The following SLIT3 variants were observed in gnomAD, a reference collection of about 807,000 sequenced individuals.
SLIT3 encodes slit guidance ligand 3.
Under a neutral mutation model 184.0 loss-of-function variants are expected in SLIT3, and 68 were observed. The ratio of observed to expected loss-of-function variants is 0.37; its 90% CI spans 0.30 to 0.45. SLIT3 has a LOEUF of 0.45. SLIT3 is among the 20% of genes least tolerant of loss of function. The pLI is 1.00. For synonymous variants in SLIT3, 831 were observed against 828.6 expected (o/e 1.00, Z -0.05); for missense variants, 1,707 against 2,026.0 (o/e 0.84, Z 3.02).
chr5:168,846,805 T>C (rs1439293729), intron 5 of SLIT3, among the ~76,000 whole-genome samples: 1 of 152,196 alleles, frequency 6.6e-6, no homozygotes, highest in African/African-American at 2.4e-5. Context: ...CTATTCCTTT[T>C]CTTTTTGAGA....
chr5:169,158,316 C>T (rs931772956), intron 4 of SLIT3, among the ~76,000 whole-genome samples: 3 of 152,028 alleles, frequency 2.0e-5, no homozygotes, highest in Non-Finnish European at 2.9e-5. Flanking sequence ...AAGGAAGTGA[C>T]ACAATTTTTT....
At chr5:169,252,880 A>C (rs891949566) in intron 1 of SLIT3, among the ~76,000 whole-genome samples, 1 of 152,202 alleles carries the variant, frequency 6.6e-6, no homozygotes, top group African/African-American at 2.4e-5. Context: ...TTCAAGTTTG[A>C]GGAGGGATTA....
chr5:169,086,471 G>A (rs1265138892), intron 4 of SLIT3, among the ~76,000 whole-genome samples: 5 of 152,068 alleles, frequency 3.3e-5, no homozygotes, highest in East Asian at 1.9e-4. Context: ...TGAACAGTTC[G>A]GCCTGAAAAT....
chr5:168,671,397 G>C lies in SLIT3; in HGVS notation c.3928C>G (p.Arg1310Gly). The change falls in exon 34 of 36, where the codon CGC becomes GGC. Residue 1310 changes from arginine to glycine, a missense_variant. Arg to Gly is a moderately radical substitution (Grantham distance 125). Around this residue, in one of 3 missense-constraint regions of SLIT3, gnomAD observed 387 missense variants for 477.9 expected, o/e 0.81. Transcript: ENST00000519560. Reference protein sequence around the residue: ...GGFHGCIHEVRINNELQDFKA... With the variant: ...GGFHGCIHEVGINNELQDFKA... The stretch of plus-strand genomic sequence containing the variant: ...AAGTCCTGCAGCTCGTTGTTGATGC[G>C]CACCTCATGGATGCATCCGTGGAAG... The C allele has an allele frequency of 6.2e-7, 1 of 1,614,066 alleles. No homozygotes were observed. The highest frequency in any genetic ancestry group is 1.1e-5 in the South Asian group (1 of 91,050).
chr5:169,036,167 T>C (rs1757239289), intron 4 of SLIT3: 1 of 152,238 alleles, frequency 6.6e-6, no homozygotes, highest in Admixed American at 6.5e-5. Context: ...ATCCAAAGTG[T>C]TGGGTCCGCA....
chr5:168,777,822 C>T (rs749375796), intron 12 of SLIT3, among the ~76,000 whole-genome samples: 5 of 152,212 alleles, frequency 3.3e-5, no homozygotes, highest in Non-Finnish European at 7.3e-5. Context: ...GATCTAACAG[C>T]CTGTCCCTGT....
Position 168,806,595 on chromosome 5 carries a change from G to GC in SLIT3, c.794-9dup, listed in dbSNP as rs1205242136. ...GGGGCTCCGAGTGGGGGGCTGTGGA[G>GC]CCAAGACACAACGGTCAACTTATGT... On this transcript the variant is annotated splice_polypyrimidine_tract_variant and intron_variant, in intron 8 of 35. Transcript: ENST00000519560. 2 of 1,613,970 alleles carry GC rather than the reference G, an allele frequency of 1.2e-6. No individual in the cohort carries two copies. The highest frequency in any genetic ancestry group is 2.7e-5 in the African/African-American group (2 of 74,918).
chr5:168,776,261 C>T (rs1170470846), intron 12 of SLIT3, among the ~76,000 whole-genome samples: 2 of 152,160 alleles, frequency 1.3e-5, no homozygotes, highest in Admixed American at 1.3e-4. Context: ...CCCGGTGCAC[C>T]CCGCGTGCAG....
intron 4 of SLIT3, among the ~76,000 whole-genome samples, chr5:169,064,345 G>A (rs1226644396): frequency 6.6e-6 from 1 of 152,164 alleles, no homozygotes; most frequent in Admixed American, 6.5e-5. Flanking sequence ...TGTCTTCTCT[G>A]ATTTAGTCCA....
chr5:168,807,785 T>C (rs918516827), intron 8 of SLIT3, among the ~76,000 whole-genome samples: 4 of 152,142 alleles, frequency 2.6e-5, no homozygotes, highest in African/African-American at 9.7e-5. Flanking sequence ...CTGGAGAAAC[T>C]GAGTCTAGGA....
intron 5 of SLIT3, among the ~76,000 whole-genome samples, chr5:168,851,583 G>C (rs1433358408): frequency 6.6e-6 from 1 of 152,128 alleles, no homozygotes; most frequent in Non-Finnish European, 1.5e-5. Context: ...ACACTTTGAG[G>C]CTTGCCTCAA....
intron 8 of SLIT3, among the ~76,000 whole-genome samples, chr5:168,815,825 T>G (rs1757320204): frequency 6.6e-6 from 1 of 152,162 alleles, no homozygotes; most frequent in Admixed American, 6.5e-5. Flanking sequence ...CAGCAGCCCA[T>G]GCTGGGCCCG....
chr5:168,870,275 G>A (rs1298053939), intron 5 of SLIT3, among the ~76,000 whole-genome samples: 2 of 152,234 alleles, frequency 1.3e-5, no homozygotes, highest in Non-Finnish European at 2.9e-5. Context: ...CAGATGCAAA[G>A]TAGTTTATCT....
intron 4 of SLIT3, 145 bp downstream of exon 4, chr5:169,193,334 C>T (rs1428296916): frequency 2.4e-5 from 17 of 698,942 alleles, no homozygotes; most frequent in African/African-American, 8.7e-5. Context: ...TGGGGGTAGA[C>T]GTCATGTCAA....
chr5:169,288,510 A>G (rs1767233939), intron 1 of SLIT3, among the ~76,000 whole-genome samples: 2 of 152,116 alleles, frequency 1.3e-5, no homozygotes, highest in Non-Finnish European at 2.9e-5. Context: ...CTCCCAACCC[A>G]TAAATCTCCC....
chr5:169,208,563 C>G (rs547500075), intron 3 of SLIT3, among the ~76,000 whole-genome samples: 3 of 152,230 alleles, frequency 2.0e-5, no homozygotes, highest in Admixed American at 2.0e-4. Context: ...ACCAAAACAG[C>G]ATGGTACTGG....
chr5:169,028,244 G>A (rs1163070159), intron 4 of SLIT3, among the ~76,000 whole-genome samples: 2 of 147,798 alleles, frequency 1.4e-5, no homozygotes, highest in African/African-American at 4.9e-5. Context: ...TTAGTGATGG[G>A]AAAAAAAAAA....
intron 12 of SLIT3, among the ~76,000 whole-genome samples, chr5:168,777,702 G>A (rs1003991905): frequency 1.3e-5 from 2 of 152,214 alleles, no homozygotes; most frequent in African/African-American, 4.8e-5. Context: ...TCTCTCCCAG[G>A]ATGCTTGGCT....
intron 5 of SLIT3, among the ~76,000 whole-genome samples, chr5:168,882,233 G>A (rs1012083662): frequency 2.6e-5 from 4 of 152,080 alleles, no homozygotes; most frequent in Non-Finnish European, 4.4e-5. Context: ...GAAGGCTGCT[G>A]GGCAGAAGTG....
Sources: allele counts gnomAD v4.1 joint callset (sites outside exome capture counted in the v4.1 genomes callset), GRCh38; gene constraint gnomAD v4.1.1; regional missense constraint gnomAD v4.1.1; transcripts MANE v1.5; gene names NCBI Gene and HGNC (gene_info 2026-07-23, HGNC 2026-07-21).